The following DRC11 variants were observed in gnomAD, a reference collection of about 807,000 sequenced individuals.
The protein encoded by DRC11 is IQ and AAA domain-containing protein 1.
chr2:236,358,577 C>A, the DRC11 span, among the ~76,000 whole-genome samples: 6 of 145,798 alleles, frequency 4.1e-5, no homozygotes, highest in Non-Finnish European at 3.0e-5. Flanking sequence ...TACCAGTCTC[C>A]TTGAGTCTGT....
At chr2:236,489,900 G>A in the DRC11 span, among the ~76,000 whole-genome samples, 1 of 152,120 alleles carries the variant, frequency 6.6e-6, no homozygotes, top group African/African-American at 2.4e-5. Flanking sequence ...ATTGTGGCTT[G>A]GGCAACAGAG....
chr2:236,407,752 CA>C, the DRC11 span: 1 of 283,144 alleles, frequency 3.5e-6, no homozygotes, highest in Non-Finnish European at 6.9e-6. Context: ...TCACTGCCTC[CA>C]TCATAGCCTT....
At chr2:236,344,636 C>T in the DRC11 span, 251 of 1,613,234 alleles carry the variant, frequency 1.6e-4, 1 homozygote, top group South Asian at 9.8e-4. Context: ...CTGGAGCTGT[C>T]GAGCCACCTG....
the DRC11 span, among the ~76,000 whole-genome samples, chr2:236,415,979 C>T: frequency 6.6e-6 from 1 of 151,990 alleles, no homozygotes; most frequent in Admixed American, 6.6e-5. This position sits in a 1 kb window ranked among gnomAD's most constrained non-coding sequence, Gnocchi z 5.7. Context: ...TAACTGTATT[C>T]AGGGGGCTTT....
At chr2:236,441,081 C>T in the DRC11 span, 8 of 1,562,338 alleles carry the variant, frequency 5.1e-6, no homozygotes, top group African/African-American at 8.1e-5. Flanking sequence ...GCTGACCCTC[C>T]TTCTTCAACG....
the DRC11 span, chr2:236,497,446 C>A: frequency 6.2e-7 from 1 of 1,613,350 alleles, no homozygotes; most frequent in Non-Finnish European, 8.5e-7. The surrounding 1 kb of genome is among the most constrained non-coding windows in gnomAD (Gnocchi z 5.1). Context: ...GAGTAAAGCA[C>A]CGAGGGCTTC....
the DRC11 span, among the ~76,000 whole-genome samples, chr2:236,357,782 T>TTATATATACA: frequency 7.9e-6 from 1 of 126,092 alleles, no homozygotes; most frequent in Non-Finnish European, 1.5e-5. Context: ...TAAATATATG[T>TTATATATACA]TATATATACA....
chr2:236,463,206 G>C, the DRC11 span, among the ~76,000 whole-genome samples: 3 of 152,136 alleles, frequency 2.0e-5, no homozygotes, highest in African/African-American at 7.2e-5. The surrounding 1 kb of genome is among the most constrained non-coding windows in gnomAD (Gnocchi z 5.0). Flanking sequence ...ATATTTCAAG[G>C]ATAGAATTTT....
the DRC11 span, among the ~76,000 whole-genome samples, chr2:236,495,945 T>C: frequency 6.6e-6 from 1 of 152,256 alleles, no homozygotes; most frequent in Non-Finnish European, 1.5e-5. The surrounding 1 kb of genome is among the most constrained non-coding windows in gnomAD (Gnocchi z 5.6). Flanking sequence ...GCCTGGCTGA[T>C]GCAGCAGGAA....
At chr2:236,415,431 A>G in the DRC11 span, among the ~76,000 whole-genome samples, 26 of 152,290 alleles carry the variant, frequency 1.7e-4, no homozygotes, top group African/African-American at 6.3e-4. This position sits in a 1 kb window ranked among gnomAD's most constrained non-coding sequence, Gnocchi z 5.7. Context: ...AGTTCTCACA[A>G]AAGGATTTGA....
At chr2:236,432,239 G>T in the DRC11 span, among the ~76,000 whole-genome samples, 1 of 151,988 alleles carries the variant, frequency 6.6e-6, no homozygotes, top group South Asian at 2.1e-4. Context: ...TGAATTGTCT[G>T]TTCAAATCTT....
chr2:236,501,295 G>A, the DRC11 span, among the ~76,000 whole-genome samples: 2 of 152,128 alleles, frequency 1.3e-5, no homozygotes, highest in African/African-American at 4.8e-5. Flanking sequence ...TCCAGCATTG[G>A]GGATGACAGT....
chr2:236,377,300 G>T, the DRC11 span: 1 of 604,738 alleles, frequency 1.7e-6, no homozygotes, highest in Non-Finnish European at 2.9e-6. This position sits in a 1 kb window ranked among gnomAD's most constrained non-coding sequence, Gnocchi z 4.9. Flanking sequence ...AAGTACATTT[G>T]TTCATATGCA....
the DRC11 span, among the ~76,000 whole-genome samples, chr2:236,399,966 C>T: frequency 1.6e-4 from 24 of 152,256 alleles, no homozygotes; most frequent in Middle Eastern, 6.8e-3. The surrounding 1 kb of genome is among the most constrained non-coding windows in gnomAD (Gnocchi z 7.0). Flanking sequence ...ATCTGTCCCC[C>T]TCAGCCTCCC....
At chr2:236,473,595 C>T in the DRC11 span, among the ~76,000 whole-genome samples, 1 of 152,116 alleles carries the variant, frequency 6.6e-6, no homozygotes, top group Non-Finnish European at 1.5e-5. The surrounding 1 kb of genome is among the most constrained non-coding windows in gnomAD (Gnocchi z 4.8). Flanking sequence ...ATATGATGGT[C>T]ATGACTGTAG....
the DRC11 span, among the ~76,000 whole-genome samples, chr2:236,309,674 A>G: frequency 1.3e-5 from 2 of 152,186 alleles, no homozygotes; most frequent in Non-Finnish European, 2.9e-5. The surrounding 1 kb of genome is among the most constrained non-coding windows in gnomAD (Gnocchi z 5.7). Context: ...TCTGACACGC[A>G]TGGGTCATCC....
the DRC11 span, among the ~76,000 whole-genome samples, chr2:236,310,382 G>C: frequency 6.6e-6 from 1 of 152,212 alleles, no homozygotes; most frequent in Non-Finnish European, 1.5e-5. This position sits in a 1 kb window ranked among gnomAD's most constrained non-coding sequence, Gnocchi z 5.5. Context: ...CTGTGCCCCA[G>C]GGACATACAG....
At chr2:236,382,315 C>T in the DRC11 span, among the ~76,000 whole-genome samples, 1 of 152,180 alleles carries the variant, frequency 6.6e-6, no homozygotes, top group Non-Finnish European at 1.5e-5. Context: ...GTGTTTAGCT[C>T]TTTACCAATA....
At chr2:236,480,600 A>C in the DRC11 span, among the ~76,000 whole-genome samples, 1 of 152,162 alleles carries the variant, frequency 6.6e-6, no homozygotes, top group African/African-American at 2.4e-5. Flanking sequence ...CTTTGTTAAA[A>C]ATTTCTCTGA....
Sources: allele counts gnomAD v4.1 joint callset (sites outside exome capture counted in the v4.1 genomes callset), GRCh38; gene constraint gnomAD v4.1.1; non-coding constraint Gnocchi (gnomAD v3.1); transcripts MANE v1.5; gene names NCBI Gene and HGNC (gene_info 2026-07-23, HGNC 2026-07-21).